MSRA: variants seen among roughly 807,000 people sequenced by gnomAD.
MSRA encodes the protein mitochondrial peptide methionine sulfoxide reductase.
In MSRA, 54 loss-of-function variants were observed where a neutral mutation model predicts 31.3. That is an observed-to-expected ratio of 1.73 (90% CI 1.39 to 2.17). The LOEUF (loss-of-function observed/expected upper bound fraction) is 2.17, where lower values mean the gene tolerates loss of function less well. MSRA is among the 30% of genes most tolerant of loss of function. The pLI is 0.00. For missense variants in MSRA, 507 were observed against 300.9 expected, an observed-to-expected ratio of 1.69 and a Z score of -5.07; for synonymous variants, 169 against 116.5, an observed-to-expected ratio of 1.45 and a Z score of -2.90.
intron 1 of MSRA, among the ~76,000 whole-genome samples, chr8:10,148,704 A>C (rs1333892026): frequency 6.8e-6 from 1 of 147,600 alleles, no homozygotes; most frequent in African/African-American, 2.4e-5. Flanking sequence ...TGGGAGGCCG[A>C]GGCAGGAGGA....
At chr8:10,295,686 C>T (rs971025599) in intron 3 of MSRA, among the ~76,000 whole-genome samples, 10 of 152,204 alleles carry the variant, frequency 6.6e-5, no homozygotes, top group Non-Finnish European at 1.0e-4. Context: ...ATGCTGGCAG[C>T]GTGTCCCAGC....
At chr8:10,341,321 A>G (rs951224601) in intron 5 of MSRA, among the ~76,000 whole-genome samples, 6 of 152,150 alleles carry the variant, frequency 3.9e-5, no homozygotes, top group Non-Finnish European at 8.8e-5. Context: ...CAGGCACATC[A>G]CATGGTGAAA....
At chr8:10,266,058 T>C (rs1307931229) in intron 3 of MSRA, among the ~76,000 whole-genome samples, 3 of 152,370 alleles carry the variant, frequency 2.0e-5, no homozygotes, top group South Asian at 2.1e-4. Flanking sequence ...TCAATATTCA[T>C]GTACCAGTGT....
chr8:10,385,585 C>T (rs1447811341), intron 5 of MSRA, among the ~76,000 whole-genome samples: 6 of 152,064 alleles, frequency 3.9e-5, no homozygotes, highest in African/African-American at 1.4e-4. Flanking sequence ...TAAAAGATTA[C>T]TCTGTGGTAA....
chr8:10,273,762 T>C lies in MSRA; in HGVS notation c.332-27772T>C, dbSNP rs114124446. Among the ~76,000 whole-genome samples, 1,475 of 152,284 alleles carry C rather than the reference T, an allele frequency of 9.7e-3. 21 individuals are homozygous for C. Among genetic ancestry groups the C allele is most frequent in the African/African-American group, 0.034 (1,418 of 41,556 alleles). ...TGTGTTCTCAACTGAAGTCGATAAA[T>C]ACACTGTTAGGGCTACTTTTCAGGC... On this transcript the variant is annotated intron_variant, in intron 3 of 5. Coordinates refer to ENST00000317173, the MANE Select transcript of MSRA (RefSeq NM_012331.5).
chr8:10,110,505 C>G (rs769307232), intron 1 of MSRA, among the ~76,000 whole-genome samples: 1 of 152,160 alleles, frequency 6.6e-6, no homozygotes, highest in Admixed American at 6.5e-5. Flanking sequence ...ACAAGACCAC[C>G]GCTTCCTATT....
chr8:10,353,677 G>A, intron 5 of MSRA: 1 of 456,268 alleles, frequency 2.2e-6, no homozygotes, highest in South Asian at 1.5e-5. Context: ...GAGGGAAGAT[G>A]AGTATAGGGA....
intron 5 of MSRA, among the ~76,000 whole-genome samples, chr8:10,334,073 T>C (rs1802871096): frequency 6.6e-6 from 1 of 152,156 alleles, no homozygotes; most frequent in African/African-American, 2.4e-5. Context: ...GTCCATTGGC[T>C]GCAAGCAGGG....
intron 5 of MSRA, among the ~76,000 whole-genome samples, chr8:10,372,467 G>T (rs1429464807): frequency 6.6e-6 from 1 of 152,198 alleles, no homozygotes; most frequent in Non-Finnish European, 1.5e-5. Context: ...AATGTTATGA[G>T]TAAATAGGGC....
At chr8:10,313,174 A>G (rs1057247433) in intron 4 of MSRA, among the ~76,000 whole-genome samples, 5 of 152,206 alleles carry the variant, frequency 3.3e-5, no homozygotes, top group Non-Finnish European at 7.4e-5. Context: ...CTGCTTCCAG[A>G]CCTGGCTCAG....
At chr8:10,323,752 G>GTGTGTGTGTGTGTGTCTGTGTC (rs1802191738) in intron 5 of MSRA, among the ~76,000 whole-genome samples, 8 of 151,074 alleles carry the variant, frequency 5.3e-5, no homozygotes, top group Non-Finnish European at 1.2e-4. Context: ...ATACGTGTGT[G>GTGTGTGTGTGTGTGTCTGTGTC]TGTGTGTGTG....
chr8:10,353,644 G>C, intron 5 of MSRA: 1 of 456,246 alleles, frequency 2.2e-6, no homozygotes, highest in Non-Finnish European at 4.4e-6. Flanking sequence ...TGGAAGAAGA[G>C]AACACAGACT....
intron 1 of MSRA, among the ~76,000 whole-genome samples, chr8:10,112,071 C>G (rs573378804): frequency 6.7e-6 from 1 of 148,966 alleles, no homozygotes; most frequent in East Asian, 2.1e-4. Flanking sequence ...ATTTGTTAAT[C>G]CTAATAGATA....
intron 5 of MSRA, among the ~76,000 whole-genome samples, chr8:10,404,336 C>T (rs1456167168): frequency 6.6e-6 from 1 of 152,192 alleles, no homozygotes; most frequent in Non-Finnish European, 1.5e-5. Flanking sequence ...TGCCTTTCTC[C>T]CCAGCCCCGT....
intron 2 of MSRA, among the ~76,000 whole-genome samples, chr8:10,228,453 G>A (rs1355252152): frequency 3.3e-5 from 5 of 152,170 alleles, no homozygotes; most frequent in South Asian, 2.1e-4. Flanking sequence ...CTCCCTTCCC[G>A]AGATCCACGT....
intron 1 of MSRA, chr8:10,096,118 A>G (rs1213046245): frequency 2.1e-5 from 27 of 1,288,494 alleles, no homozygotes; most frequent in African/African-American, 4.5e-5. Flanking sequence ...CCTTTCTAAG[A>G]TTTTATGCAG....
intron 2 of MSRA, among the ~76,000 whole-genome samples, chr8:10,223,248 T>A (rs771199792): frequency 6.6e-6 from 1 of 152,196 alleles, no homozygotes; most frequent in Non-Finnish European, 1.5e-5. Flanking sequence ...ATGTTGAAAG[T>A]GTGCATTGGA....
At position 10,214,114 on chromosome 8, in the gene MSRA, G is replaced by C. The variant is rs1212817857; in HGVS notation, c.211+6213G>C. 3.3e-5 allele frequency among the ~76,000 whole-genome samples: 5 copies of C among 152,318 alleles called. No homozygotes were observed. The East Asian group carries it at 9.7e-4, about 29-fold the overall frequency. On this transcript the variant is annotated intron_variant, in intron 2 of 5. Transcript: ENST00000317173. ...TTCTCTGAAGATTCTTCAAACAAGA[G>C]TGGGGAGCAAAAGCCAAGCCGAGGA...
At chr8:10,227,154 A>T (rs529497738) in intron 2 of MSRA, among the ~76,000 whole-genome samples, 1 of 152,292 alleles carries the variant, frequency 6.6e-6, no homozygotes, top group East Asian at 1.9e-4. Flanking sequence ...AATGTGTTGA[A>T]TGAGGAGCAG....
Sources: allele counts gnomAD v4.1 joint callset (sites outside exome capture counted in the v4.1 genomes callset), GRCh38; gene constraint gnomAD v4.1.1; transcripts MANE v1.5; gene names NCBI Gene and HGNC (gene_info 2026-07-23, HGNC 2026-07-21).